Variants in KSR2 observed in about 807,000 individuals in gnomAD.
KSR2 encodes kinase suppressor of ras 2.
Under a neutral mutation model 107.8 loss-of-function variants are expected in KSR2, and 25 were observed. The ratio of observed to expected loss-of-function variants is 0.23; its 90% CI spans 0.17 to 0.32. The LOEUF (loss-of-function observed/expected upper bound fraction) is 0.32, where lower values mean the gene tolerates loss of function less well. Among genes scored for constraint, KSR2 ranks in the 10% least tolerant of loss-of-function variants. The pLI, the probability that KSR2 is intolerant of heterozygous loss-of-function variation, is 1.00. For synonymous variants in KSR2, 480 were observed against 507.0 expected, an observed-to-expected ratio of 0.95 and a Z score of 0.71; for missense variants, 887 against 1,268.9, an observed-to-expected ratio of 0.70 and a Z score of 4.57.
rs944367602 is a variant in KSR2, at chr12:117,456,638, A to G, written c.*10561T>C. Reference sequence around the variant, plus strand: ...TGGAAGGTGTCCCAATTCCCAAAGCAATTTTCCAAGATCTGGTCTTTTGCA... The same window carrying G: ...TGGAAGGTGTCCCAATTCCCAAAGCGATTTTCCAAGATCTGGTCTTTTGCA... On this transcript the variant is annotated 3_prime_UTR_variant, in exon 20 of 20. Coordinates refer to ENST00000339824, the MANE Select transcript of KSR2 (RefSeq NM_173598.6). 3 of 152,160 alleles carry G rather than the reference A, an allele frequency of 2.0e-5. No individual in the cohort carries two copies. Among genetic ancestry groups the G allele is most frequent in the Admixed American group, 6.5e-5 (1 of 15,276 alleles). 9.4% of individuals were successfully genotyped at this position (152,160 alleles called of 1,614,324 possible). A position where few individuals can be genotyped will look rare whatever the true frequency, so the allele number is the denominator to read the frequency against.
At chr12:117,861,457 C>A (rs1245235381) in intron 1 of KSR2, among the ~76,000 whole-genome samples, 2 of 132,392 alleles carry the variant, frequency 1.5e-5, no homozygotes, top group Admixed American at 8.8e-5. Flanking sequence ...GGCGTGATCT[C>A]GGCTCACTGC....
chr12:117,967,092 A>C (rs1896820737), intron 1 of KSR2, among the ~76,000 whole-genome samples: 1 of 152,220 alleles, frequency 6.6e-6, no homozygotes, highest in Admixed American at 6.5e-5. Flanking sequence ...GCAGATGTCC[A>C]GTGATCTCGT....
intron 5 of KSR2, among the ~76,000 whole-genome samples, chr12:117,664,942 A>T (rs534250333): frequency 6.6e-6 from 1 of 152,138 alleles, no homozygotes; most frequent in Non-Finnish European, 1.5e-5. Context: ...TGAGATTCCA[A>T]CAGAGAGCTT....
intron 4 of KSR2, among the ~76,000 whole-genome samples, chr12:117,696,255 C>T (rs770974738): frequency 6.6e-6 from 1 of 152,180 alleles, no homozygotes; most frequent in Non-Finnish European, 1.5e-5. Context: ...GGTCCCACTC[C>T]ACCCATGATC....
intron 5 of KSR2, among the ~76,000 whole-genome samples, chr12:117,595,428 A>G (rs992092392): frequency 7.5e-6 from 1 of 133,980 alleles, no homozygotes; most frequent in Admixed American, 8.8e-5. Flanking sequence ...GCAGTGGCGC[A>G]ATCTCGGCTC....
At chr12:117,507,657 T>G (rs1193384025) in intron 14 of KSR2, among the ~76,000 whole-genome samples, 1 of 152,186 alleles carries the variant, frequency 6.6e-6, no homozygotes, top group Non-Finnish European at 1.5e-5. Flanking sequence ...CTGAGGCTCT[T>G]ATTCTGATTG....
At position 117,879,227 on chromosome 12, in the gene KSR2, T is replaced by A. The variant is rs576361082; in HGVS notation, c.181-18796A>T. ...GATATTAATATTTGAATTAAAGAGA[T>A]CATACATTTTGGGAATTTTATTTTA... On this transcript the variant is annotated intron_variant, in intron 1 of 19. Transcript: ENST00000339824. Among the ~76,000 whole-genome samples, 190 of 152,330 alleles carry A rather than the reference T, an allele frequency of 1.2e-3. 1 individual carries two copies. Among genetic ancestry groups the A allele is most frequent in the African/African-American group, 4.4e-3 (184 of 41,576 alleles).
At chr12:117,529,809 C>T (rs1429626770) in intron 12 of KSR2, among the ~76,000 whole-genome samples, 2 of 151,588 alleles carry the variant, frequency 1.3e-5, no homozygotes, top group African/African-American at 4.8e-5. Flanking sequence ...TTGAGACCCA[C>T]CTAGGCAACA....
At chr12:117,510,664 G>A (rs1044977088) in intron 14 of KSR2, among the ~76,000 whole-genome samples, 1 of 152,164 alleles carries the variant, frequency 6.6e-6, no homozygotes, top group Non-Finnish European at 1.5e-5. Flanking sequence ...GTTGCTTTGA[G>A]CTTAGGCGTT....
intron 1 of KSR2, among the ~76,000 whole-genome samples, chr12:117,870,264 A>C (rs939097133): frequency 1.3e-5 from 2 of 152,216 alleles, no homozygotes; most frequent in Non-Finnish European, 2.9e-5. Flanking sequence ...TCTGTAAAAC[A>C]GGTGTATTCC....
chr12:117,551,149 T>C (rs1030791092), intron 9 of KSR2, among the ~76,000 whole-genome samples: 4 of 152,134 alleles, frequency 2.6e-5, no homozygotes, highest in Admixed American at 6.5e-5. Context: ...TGTAGCTTGG[T>C]CCCATAAGGA....
chr12:117,860,374 G>C lies in KSR2; in HGVS notation c.238C>G (p.Gln80Glu). The change falls in exon 2 of 20, where the codon CAG (glutamine) becomes GAG (glutamate). Residue 80 changes from glutamine (Q) to glutamate (E), a missense_variant. Coordinates refer to ENST00000339824, the MANE Select transcript of KSR2 (RefSeq NM_173598.6). The part of the protein sequence containing the change: ...QLSCKKKVAL[Q>E]ERNAELDGFP... ...CCGTCCAGCTCCGCGTTGCGCTCCT[G>C]CAAGGCTACCTTCTTTTTGCAGGAC... is the stretch of plus-strand genomic sequence containing the variant. The C allele has an allele frequency of 6.2e-7, 1 of 1,613,558 alleles. No homozygotes were observed. Among genetic ancestry groups the C allele is most frequent in the South Asian group, 1.1e-5 (1 of 91,014 alleles).
rs1001268479 is a variant in KSR2, at chr12:117,673,577, T to C, written c.987-5919A>G. Among the ~76,000 whole-genome samples, 4 of 151,914 alleles carry C rather than the reference T, an allele frequency of 2.6e-5. No homozygotes were observed. In the South Asian group the frequency reaches 8.3e-4, roughly 31 times the overall value. On this transcript the variant is annotated intron_variant, in intron 4 of 19. Coordinates refer to ENST00000339824, the MANE Select transcript of KSR2 (RefSeq NM_173598.6). ...AGAATACATGGCTATTTGATTAGAG[T>C]AGGGTGGAAAGAAATCCCATATTGC...
At chr12:117,635,813 A>G (rs1883041620) in intron 5 of KSR2, among the ~76,000 whole-genome samples, 1 of 117,772 alleles carries the variant, frequency 8.5e-6, no homozygotes, top group Non-Finnish European at 1.9e-5. Flanking sequence ...TTTTTTTGAG[A>G]CAGAGTCTTG....
intron 3 of KSR2, among the ~76,000 whole-genome samples, chr12:117,776,034 A>G (rs1889673327): frequency 6.6e-6 from 1 of 152,106 alleles, no homozygotes; most frequent in Non-Finnish European, 1.5e-5. Flanking sequence ...AATCACCACT[A>G]AAGAACTTAT....
chr12:117,460,096 A>G lies in KSR2; in HGVS notation c.*7103T>C, dbSNP rs995155621. The G allele has an allele frequency of 1.3e-5, 2 of 152,204 alleles. No homozygotes were observed. The highest frequency in any genetic ancestry group is 4.8e-5 in the African/African-American group (2 of 41,456). 9.4% of individuals were successfully genotyped at this position (152,204 alleles called of 1,614,324 possible). A position where few individuals can be genotyped will look rare whatever the true frequency, so the allele number is the denominator to read the frequency against. On this transcript the variant is annotated 3_prime_UTR_variant, in exon 20 of 20. Coordinates refer to ENST00000339824, the MANE Select transcript of KSR2 (RefSeq NM_173598.6). The stretch of plus-strand genomic sequence containing the variant: ...ATTTCCAATGCATGCTTGTCCCAGG[A>G]CCCTTTCAATAATGCAAATCCGGCG...
At chr12:117,856,504 C>T (rs1314729784) in intron 2 of KSR2, among the ~76,000 whole-genome samples, 1 of 152,092 alleles carries the variant, frequency 6.6e-6, no homozygotes, top group African/African-American at 2.4e-5. Flanking sequence ...TTGAGACAGT[C>T]TCGCTCTTGT....
At chr12:117,575,506 C>G (rs537640823) in intron 7 of KSR2, among the ~76,000 whole-genome samples, 6 of 152,314 alleles carry the variant, frequency 3.9e-5, no homozygotes, top group African/African-American at 1.4e-4. Flanking sequence ...ATAAGTGCAT[C>G]CAAAATTCTG....
chr12:117,585,069 T>C (rs891656451), intron 5 of KSR2, among the ~76,000 whole-genome samples: 11 of 152,196 alleles, frequency 7.2e-5, no homozygotes, highest in Non-Finnish European at 1.2e-4. Context: ...TGTGTGTGTG[T>C]GCGTGTGTGT....
Sources: allele counts gnomAD v4.1 joint callset (sites outside exome capture counted in the v4.1 genomes callset), GRCh38; gene constraint gnomAD v4.1.1; transcripts MANE v1.5; gene names NCBI Gene and HGNC (gene_info 2026-07-23, HGNC 2026-07-21).